ATXN1: variants seen among roughly 807,000 people sequenced by gnomAD.
The protein encoded by ATXN1 is ataxin-1.
Under a neutral mutation model 56.4 loss-of-function variants are expected in ATXN1, and 8 were observed. The ratio of observed to expected loss-of-function variants is 0.14; its 90% CI spans 0.08 to 0.26. The LOEUF is 0.26. Among genes scored for constraint, ATXN1 ranks in the 10% least tolerant of loss-of-function variants. ATXN1 has a pLI of 1.00. For synonymous variants in ATXN1, 514 were observed against 494.6 expected, an observed-to-expected ratio of 1.04 and a Z score of -0.52; for missense variants, 987 against 1,106.5, an observed-to-expected ratio of 0.89 and a Z score of 1.53.
rs144033390 is a variant in ATXN1, at chr6:16,597,941, A to C, written c.-488-12034T>G. ...GCCAACAGTCTAGGATTTAAAAAAA[A>C]AAAGAAGCTGAGTCTGCCATTAAGA... On this transcript the variant is annotated intron_variant, in intron 3 of 7. Coordinates refer to ENST00000436367, the MANE Select transcript of ATXN1 (RefSeq NM_001128164.2). Among the ~76,000 whole-genome samples the C allele has an allele frequency of 7.2e-5, 11 of 152,290 alleles. No homozygotes were observed. The East Asian group carries it at 2.1e-3, about 29-fold the overall frequency.
intron 6 of ATXN1, among the ~76,000 whole-genome samples, chr6:16,383,246 C>T (rs1409350239): frequency 6.6e-6 from 1 of 152,156 alleles, no homozygotes; most frequent in Non-Finnish European, 1.5e-5. Flanking sequence ...TTATGACTTG[C>T]TATATTTTTC....
chr6:16,454,958 A>G (rs1014707385), intron 6 of ATXN1, among the ~76,000 whole-genome samples: 2 of 152,154 alleles, frequency 1.3e-5, no homozygotes, highest in African/African-American at 4.8e-5. Flanking sequence ...CTTCAGGGGG[A>G]CTCAGCAGTG....
At chr6:16,663,646 TTTTATTTA>T (rs34453220) in intron 2 of ATXN1, among the ~76,000 whole-genome samples, 21 of 150,458 alleles carry the variant, frequency 1.4e-4, no homozygotes, top group Admixed American at 4.6e-4. Flanking sequence ...TTTTTTAATT[TTTTATTTA>T]TTTATTTATT....
chr6:16,386,528 C>T (rs1015857459), intron 6 of ATXN1, among the ~76,000 whole-genome samples: 1 of 152,138 alleles, frequency 6.6e-6, no homozygotes, highest in Non-Finnish European at 1.5e-5. Context: ...TATGATAAAA[C>T]CAATACATTA....
At chr6:16,416,209 A>C (rs1168532567) in intron 6 of ATXN1, among the ~76,000 whole-genome samples, 7 of 152,184 alleles carry the variant, frequency 4.6e-5, no homozygotes, top group African/African-American at 1.7e-4. Flanking sequence ...GGAAAAAAAA[A>C]ATTGGTCAAT....
intron 5 of ATXN1, among the ~76,000 whole-genome samples, chr6:16,491,449 TA>T (rs1760663195): frequency 1.3e-5 from 2 of 151,846 alleles, no homozygotes; most frequent in African/African-American, 4.8e-5. Flanking sequence ...TACGCCCGGC[TA>T]ATTTTTGGTA....
At chr6:16,457,282 T>C (rs1312106687) in intron 6 of ATXN1, among the ~76,000 whole-genome samples, 1 of 152,054 alleles carries the variant, frequency 6.6e-6, no homozygotes, top group East Asian at 1.9e-4. Flanking sequence ...GTCCTTTTTG[T>C]GGTCTAGGAG....
intron 4 of ATXN1, among the ~76,000 whole-genome samples, chr6:16,541,752 AGAG>A (rs1412077975): frequency 6.6e-6 from 1 of 152,216 alleles, no homozygotes; most frequent in African/African-American, 2.4e-5. Flanking sequence ...CGTCTGAGCT[AGAG>A]GAGGCCTCTA....
chr6:16,746,521 C>A (rs759732534), intron 2 of ATXN1, among the ~76,000 whole-genome samples: 4 of 152,172 alleles, frequency 2.6e-5, no homozygotes, highest in South Asian at 4.1e-4. Flanking sequence ...CTTAGAAAAG[C>A]AGAGCTTCTG....
intron 2 of ATXN1, among the ~76,000 whole-genome samples, chr6:16,686,037 G>GT (rs917883417): frequency 3.3e-4 from 50 of 151,774 alleles, no homozygotes; most frequent in Admixed American, 9.2e-4. Flanking sequence ...GAAAAGTTCT[G>GT]TTTTTTTTGA....
chr6:16,590,637 AG>A (rs35303612), intron 3 of ATXN1, among the ~76,000 whole-genome samples: 40 of 152,190 alleles, frequency 2.6e-4, no homozygotes, highest in Admixed American at 2.3e-3. Flanking sequence ...CTAGAGTTGT[AG>A]GGGAAGTATA....
chr6:16,700,959 C>A (rs546926927), intron 2 of ATXN1, among the ~76,000 whole-genome samples: 17 of 151,886 alleles, frequency 1.1e-4, no homozygotes, highest in African/African-American at 4.1e-4. Context: ...CTGGAATGAA[C>A]CGTGAACCAG....
Position 16,303,267 on chromosome 6 carries a change from A to C in ATXN1, c.*3062T>G, listed in dbSNP as rs530266261. 9 of 152,452 alleles carry C rather than the reference A, an allele frequency of 5.9e-5. No homozygotes were observed. The highest frequency in any genetic ancestry group is 9.6e-5 in the African/African-American group (4 of 41,572). The allele number at this position is 152,452 out of a possible 1,614,324, so 9.4% of individuals were successfully genotyped here. On this transcript the variant is annotated 3_prime_UTR_variant, in exon 8 of 8. Coordinates refer to ENST00000436367, the MANE Select transcript of ATXN1 (RefSeq NM_001128164.2). This position sits in a 1 kb window ranked among gnomAD's most constrained non-coding sequence, Gnocchi z 4.3. ...TTCCTCTCCACACTCCACATTCACTATTCCGTGTGGTGACAGGGGACACTG... is the reference window on the plus strand; with the variant it reads ...TTCCTCTCCACACTCCACATTCACTCTTCCGTGTGGTGACAGGGGACACTG...
chr6:16,602,537 C>T (rs1313210989), intron 3 of ATXN1, among the ~76,000 whole-genome samples: 1 of 151,620 alleles, frequency 6.6e-6, no homozygotes, highest in Non-Finnish European at 1.5e-5. Flanking sequence ...CTGCAACCTT[C>T]GCCTCCTGGG....
At chr6:16,457,157 G>T (rs1475272876) in intron 6 of ATXN1, among the ~76,000 whole-genome samples, 2 of 152,130 alleles carry the variant, frequency 1.3e-5, no homozygotes, top group South Asian at 4.1e-4. Flanking sequence ...GAATGCATTG[G>T]TAAGGGCCAC....
At chr6:16,572,357 C>T (rs961973438) in intron 4 of ATXN1, among the ~76,000 whole-genome samples, 2 of 152,104 alleles carry the variant, frequency 1.3e-5, no homozygotes, top group African/African-American at 4.8e-5. Context: ...CGGAGATCTT[C>T]GAAGACCTTC....
chr6:16,566,071 G>T (rs1191456072), intron 4 of ATXN1, among the ~76,000 whole-genome samples: 1 of 152,128 alleles, frequency 6.6e-6, no homozygotes, highest in Non-Finnish European at 1.5e-5. Context: ...GATTTTTCAG[G>T]ATACTGGAAA....
At chr6:16,308,210 C>T (rs1760300598) in intron 7 of ATXN1, among the ~76,000 whole-genome samples, 1 of 152,114 alleles carries the variant, frequency 6.6e-6, no homozygotes, top group African/African-American at 2.4e-5. Context: ...CCTATAATCC[C>T]AGCTACTCAG....
chr6:16,306,764 C>T lies in ATXN1; in HGVS notation c.2013G>A (p.Leu671=), dbSNP rs752162684. Residue 671 remains leucine (L), a synonymous_variant, in exon 8 of 8, where the codon TTG becomes TTA. Transcript: ENST00000436367. The surrounding 1 kb of genome is among the most constrained non-coding windows in gnomAD (Gnocchi z 5.2). ...CPERTSQLFD[L]PCSKLSVGDV... ...CCCCAACTGAGAGTTTGGAACACGG[C>T]AAATCAAAGAGCTGGCTGGTTCTCT... The T allele has an allele frequency of 6.2e-7, 1 of 1,613,962 alleles. No individual in the cohort carries two copies. Among genetic ancestry groups the T allele is most frequent in the East Asian group, 2.2e-5 (1 of 44,898 alleles).
Sources: allele counts gnomAD v4.1 joint callset (sites outside exome capture counted in the v4.1 genomes callset), GRCh38; gene constraint gnomAD v4.1.1; non-coding constraint Gnocchi (gnomAD v3.1); transcripts MANE v1.5; gene names NCBI Gene and HGNC (gene_info 2026-07-23, HGNC 2026-07-21).